Variants in CSTPP1 observed in about 807,000 individuals in gnomAD.
CSTPP1 encodes the protein UPF0705 protein C11orf49.
At chr11:47,061,487 T>C in the CSTPP1 span, among the ~76,000 whole-genome samples, 1 of 152,236 alleles carries the variant, frequency 6.6e-6, no homozygotes, top group Non-Finnish European at 1.5e-5. Context: ...TTGTCACTAA[T>C]CCTTATCTTC....
the CSTPP1 span, among the ~76,000 whole-genome samples, chr11:47,138,819 A>T: frequency 6.6e-6 from 1 of 152,002 alleles, no homozygotes; most frequent in African/African-American, 2.4e-5. Context: ...CTCTACTAAA[A>T]ATACAAAAAA....
chr11:47,127,410 G>T, the CSTPP1 span, among the ~76,000 whole-genome samples: 1 of 152,206 alleles, frequency 6.6e-6, no homozygotes, highest in African/African-American at 2.4e-5. Context: ...TGGGAAAGTG[G>T]CGCACCTGCC....
At chr11:47,102,989 G>GAA in the CSTPP1 span, among the ~76,000 whole-genome samples, 35,833 of 120,374 alleles carry the variant, frequency 0.3, 6,714 homozygotes, top group East Asian at 0.69. Flanking sequence ...GTGCCTCACA[G>GAA]AAAAAAAAAA....
the CSTPP1 span, among the ~76,000 whole-genome samples, chr11:46,981,605 G>A: frequency 1.3e-5 from 2 of 152,030 alleles, no homozygotes; most frequent in African/African-American, 4.8e-5. Context: ...CACTTTGTAG[G>A]TTTTTGGATT....
the CSTPP1 span, among the ~76,000 whole-genome samples, chr11:47,033,591 T>G: frequency 6.6e-6 from 1 of 152,190 alleles, no homozygotes; most frequent in East Asian, 1.9e-4. Context: ...ACAATCTCTT[T>G]CATGATCTCC....
chr11:47,154,333 G>C, the CSTPP1 span: 1 of 152,332 alleles, frequency 6.6e-6, no homozygotes, highest in South Asian at 2.1e-4. Flanking sequence ...ATAGCTTGGC[G>C]CCTGCCTGGC....
At chr11:46,938,245 T>G in the CSTPP1 span, among the ~76,000 whole-genome samples, 1 of 151,750 alleles carries the variant, frequency 6.6e-6, no homozygotes, top group Non-Finnish European at 1.5e-5. Context: ...TCTCCCTCAC[T>G]CACAGTTTCC....
chr11:47,141,221 A>G, the CSTPP1 span, among the ~76,000 whole-genome samples: 1 of 152,170 alleles, frequency 6.6e-6, no homozygotes. Context: ...TTACCCTAAA[A>G]AGAAATCCTA....
the CSTPP1 span, among the ~76,000 whole-genome samples, chr11:47,004,194 T>G: frequency 3.3e-5 from 5 of 151,784 alleles, no homozygotes; most frequent in African/African-American, 1.2e-4. Context: ...TTGTTTTTTT[T>G]TTTTGAGATA....
chr11:47,161,360 G>C, the CSTPP1 span: 6 of 1,587,266 alleles, frequency 3.8e-6, no homozygotes, highest in Middle Eastern at 4.5e-4. Flanking sequence ...GTCCTTTGGG[G>C]GCTGCAGCCC....
chr11:47,137,779 C>A, the CSTPP1 span: 1 of 1,550,496 alleles, frequency 6.4e-7, no homozygotes. Flanking sequence ...TGGGCCACTG[C>A]TTCCTAGAGA....
At chr11:47,091,339 A>C in the CSTPP1 span, among the ~76,000 whole-genome samples, 1 of 151,178 alleles carries the variant, frequency 6.6e-6, no homozygotes, top group Non-Finnish European at 1.5e-5. Flanking sequence ...ACACCACTGC[A>C]CTCCAGCCTG....
the CSTPP1 span, among the ~76,000 whole-genome samples, chr11:47,129,260 G>A: frequency 6.6e-6 from 1 of 152,178 alleles, no homozygotes; most frequent in East Asian, 1.9e-4. Context: ...GTGAGTGGTG[G>A]TGCAAATTCT....
At chr11:47,110,023 C>T in the CSTPP1 span, among the ~76,000 whole-genome samples, 1 of 152,090 alleles carries the variant, frequency 6.6e-6, no homozygotes, top group Non-Finnish European at 1.5e-5. Context: ...TCAAATGGTA[C>T]GTTCTCAAAG....
chr11:46,981,540 A>G, the CSTPP1 span, among the ~76,000 whole-genome samples: 36 of 152,128 alleles, frequency 2.4e-4, no homozygotes, highest in Admixed American at 4.6e-4. Context: ...TTAATACTAT[A>G]AAGTATTAAC....
the CSTPP1 span, among the ~76,000 whole-genome samples, chr11:47,055,362 CTCCCT>C: frequency 1.4e-5 from 2 of 144,898 alleles, no homozygotes; most frequent in African/African-American, 5.1e-5. Flanking sequence ...CCTCCCTCCC[CTCCCT>C]TCCTTCCTTC....
the CSTPP1 span, among the ~76,000 whole-genome samples, chr11:47,075,596 G>C: frequency 1.3e-5 from 2 of 151,874 alleles, no homozygotes; most frequent in African/African-American, 2.4e-5. Context: ...GGCCTAAAAG[G>C]GTTCAAGAAT....
chr11:47,069,917 G>T, the CSTPP1 span, among the ~76,000 whole-genome samples: 1 of 152,196 alleles, frequency 6.6e-6, no homozygotes, highest in Admixed American at 6.5e-5. Context: ...GTTTCACCAT[G>T]TTGGCCAGGC....
At chr11:47,079,917 TA>T in the CSTPP1 span, among the ~76,000 whole-genome samples, 11 of 149,880 alleles carry the variant, frequency 7.3e-5, no homozygotes, top group African/African-American at 2.7e-4. Context: ...AACACGGTGA[TA>T]CCCCGTCTCT....
Sources: allele counts gnomAD v4.1 joint callset (sites outside exome capture counted in the v4.1 genomes callset), GRCh38; gene constraint gnomAD v4.1.1; transcripts MANE v1.5; gene names NCBI Gene and HGNC (gene_info 2026-07-23, HGNC 2026-07-21).